LDB2: variants seen among roughly 807,000 people sequenced by gnomAD.
LDB2 encodes LIM domain binding 2.
In LDB2, 12 loss-of-function variants were observed where a neutral mutation model predicts 44.3. The observed-to-expected ratio is 0.27, with a 90% confidence interval of 0.17 to 0.44. The LOEUF is 0.44. Ranked by LOEUF, LDB2 falls within the 20% of genes least tolerant of loss-of-function variation. LDB2 has a pLI of 1.00. For synonymous variants in LDB2, 164 were observed against 174.8 expected (o/e 0.94, Z 0.49); for missense variants, 344 against 473.5 (o/e 0.73, Z 2.54).
intron 5 of LDB2, among the ~76,000 whole-genome samples, chr4:16,544,495 G>C (rs1403480066): frequency 6.6e-6 from 1 of 152,208 alleles, no homozygotes; most frequent in Non-Finnish European, 1.5e-5. Context: ...AGCATAAAAG[G>C]CTCAATCTGC....
chr4:16,583,458 T>C lies in LDB2; in HGVS notation c.615+2464A>G, dbSNP rs149575303. On this transcript the variant is annotated intron_variant, in intron 5 of 7. Transcript: ENST00000304523. ...ATTTGCACAATACTTCAGTTGACCT[T>C]CTGGGGCTTGAGACAAAGGCCAGGC... Among the ~76,000 whole-genome samples, 298 of 152,304 alleles carry C rather than the reference T, an allele frequency of 2.0e-3. 1 individual carries two copies. Among genetic ancestry groups the C allele is most frequent in the African/African-American group, 6.8e-3 (282 of 41,564 alleles).
intron 1 of LDB2, among the ~76,000 whole-genome samples, chr4:16,843,116 G>A (rs1786219148): frequency 1.3e-5 from 2 of 152,002 alleles, no homozygotes; most frequent in Non-Finnish European, 2.9e-5. Context: ...GTACTCTGTG[G>A]TGTTTACTTA....
intron 5 of LDB2, among the ~76,000 whole-genome samples, chr4:16,521,927 G>T (rs1481799726): frequency 6.6e-6 from 1 of 152,178 alleles, no homozygotes; most frequent in Non-Finnish European, 1.5e-5. Flanking sequence ...TTGGGTGTCT[G>T]GGAGCCTCGT....
intron 1 of LDB2, among the ~76,000 whole-genome samples, chr4:16,877,722 T>G (rs1718855620): frequency 6.6e-6 from 1 of 152,190 alleles, no homozygotes; most frequent in South Asian, 2.1e-4. Flanking sequence ...GAACAATCAA[T>G]AGAAGAAATA....
At chr4:16,850,085 G>A (rs1427598832) in intron 1 of LDB2, among the ~76,000 whole-genome samples, 1 of 152,188 alleles carries the variant, frequency 6.6e-6, no homozygotes, top group Admixed American at 6.5e-5. Flanking sequence ...GAGGGGAGGT[G>A]AATGCTGGCT....
chr4:16,586,511 CACACACACACACACAAA>C (rs1560553878), intron 4 of LDB2, among the ~76,000 whole-genome samples: 9 of 87,306 alleles, frequency 1.0e-4, no homozygotes, highest in Non-Finnish European at 1.3e-4. Flanking sequence ...CACACACACA[CACACACACACACACAAA>C]ACACACACAC....
intron 2 of LDB2, among the ~76,000 whole-genome samples, chr4:16,638,165 T>C (rs912719325): frequency 6.6e-6 from 1 of 152,170 alleles, no homozygotes; most frequent in Admixed American, 6.5e-5. Flanking sequence ...AAGGGAACTA[T>C]GGATTTTGCT....
intron 1 of LDB2, among the ~76,000 whole-genome samples, chr4:16,840,489 A>T (rs536825743): frequency 6.6e-6 from 1 of 152,294 alleles, no homozygotes; most frequent in South Asian, 2.1e-4. Flanking sequence ...CAGCAGTGGG[A>T]AGAGGAAAAG....
At chr4:16,865,076 C>A (rs1714220210) in intron 1 of LDB2, among the ~76,000 whole-genome samples, 2 of 152,052 alleles carry the variant, frequency 1.3e-5, no homozygotes, top group South Asian at 4.2e-4. Context: ...CATGGTGAAA[C>A]CCCGTCTCGT....
At chr4:16,807,890 G>A (rs1186924077) in intron 1 of LDB2, among the ~76,000 whole-genome samples, 2 of 152,126 alleles carry the variant, frequency 1.3e-5, no homozygotes, top group Non-Finnish European at 2.9e-5. Flanking sequence ...GAGTACTTAG[G>A]AAGTGTATCT....
At chr4:16,630,692 C>T (rs2152494268) in intron 2 of LDB2, among the ~76,000 whole-genome samples, 1 of 152,258 alleles carries the variant, frequency 6.6e-6, no homozygotes, top group Middle Eastern at 3.4e-3. Flanking sequence ...TCAGGAGATC[C>T]ATCTCACATT....
intron 5 of LDB2, among the ~76,000 whole-genome samples, chr4:16,527,313 A>G (rs1577389656): frequency 6.6e-6 from 1 of 152,158 alleles, no homozygotes; most frequent in East Asian, 1.9e-4. Context: ...GGAGAAGATG[A>G]GTTCAGAGAG....
intron 5 of LDB2, among the ~76,000 whole-genome samples, chr4:16,562,730 G>T (rs1742873087): frequency 6.6e-6 from 1 of 152,188 alleles, no homozygotes. Flanking sequence ...ATACCCAAAG[G>T]ACTATAAATC....
chr4:16,524,234 A>G (rs564135555), intron 5 of LDB2, among the ~76,000 whole-genome samples: 1 of 152,310 alleles, frequency 6.6e-6, no homozygotes, highest in African/African-American at 2.4e-5. Context: ...CTCGGGATGC[A>G]ATGGTGAACA....
chr4:16,745,341 G>A (rs759505078), intron 2 of LDB2, among the ~76,000 whole-genome samples: 3 of 152,192 alleles, frequency 2.0e-5, no homozygotes, highest in African/African-American at 4.8e-5. Context: ...GGGAGACTGC[G>A]GGGATTTAAG....
chr4:16,754,689 G>A (rs1766157128), intron 2 of LDB2, among the ~76,000 whole-genome samples: 2 of 151,868 alleles, frequency 1.3e-5, no homozygotes, highest in African/African-American at 4.8e-5. Context: ...ATGCCACCAC[G>A]CCCAGCCAAT....
chr4:16,513,049 T>C (rs1197860877), intron 5 of LDB2, among the ~76,000 whole-genome samples: 1 of 152,184 alleles, frequency 6.6e-6, no homozygotes, highest in Non-Finnish European at 1.5e-5. Flanking sequence ...CCTTCTTCTG[T>C]GAAAAAGCAT....
At position 16,693,976 on chromosome 4, in the gene LDB2, CA is replaced by C. The variant is rs557041172; in HGVS notation, c.235+65181del. 1.3e-4 allele frequency among the ~76,000 whole-genome samples: 20 copies of C among 152,292 alleles called. 1 individual carries two copies. The South Asian group carries it at 4.1e-3, about 32-fold the overall frequency. ...ATACAGAAATCATTCAAACTTTCAA[CA>C]GTGTAGGTTACCTGTTGTCGCTCCT... is the stretch of plus-strand genomic sequence containing the variant. On this transcript the variant is annotated intron_variant, in intron 2 of 7. Coordinates refer to ENST00000304523, the MANE Select transcript of LDB2 (RefSeq NM_001290.5).
At chr4:16,670,343 G>T (rs76556422) in intron 2 of LDB2, among the ~76,000 whole-genome samples, 4 of 152,122 alleles carry the variant, frequency 2.6e-5, no homozygotes, top group Non-Finnish European at 4.4e-5. Flanking sequence ...TTCTGAAGAC[G>T]TCTCTTTCCT....
Sources: allele counts gnomAD v4.1 joint callset (sites outside exome capture counted in the v4.1 genomes callset), GRCh38; gene constraint gnomAD v4.1.1; transcripts MANE v1.5; gene names NCBI Gene and HGNC (gene_info 2026-07-23, HGNC 2026-07-21).